The following TMF1 variants were observed in gnomAD, a reference collection of about 807,000 sequenced individuals.
TMF1 encodes the protein TATA element modulatory factor 1.
Under a neutral mutation model 126.5 loss-of-function variants are expected in TMF1, and 71 were observed. The ratio of observed to expected loss-of-function variants is 0.56; its 90% CI spans 0.46 to 0.68. The LOEUF (loss-of-function observed/expected upper bound fraction) is 0.68. TMF1 is among the 30% of genes least tolerant of loss of function. The pLI, the probability that TMF1 is intolerant of heterozygous loss-of-function variation, is 0.00. For missense variants in TMF1, 1,259 were observed against 1,253.2 expected, an observed-to-expected ratio of 1.00 and a Z score of -0.07; for synonymous variants, 461 against 430.5, an observed-to-expected ratio of 1.07 and a Z score of -0.88.
intron 5 of TMF1, chr3:69,040,508 G>A (rs751670647): frequency 2.0e-5 from 3 of 152,264 alleles, no homozygotes; most frequent in African/African-American, 7.2e-5. Flanking sequence ...GTGTATGTAT[G>A]TGCAGAAAGA....
chr3:69,033,340 A>G (rs1478520430), intron 10 of TMF1, among the ~76,000 whole-genome samples: 1 of 151,980 alleles, frequency 6.6e-6, no homozygotes, highest in African/African-American at 2.4e-5. Context: ...AGTATCTGAT[A>G]CCATTGTGTA....
At chr3:69,037,822 A>C (rs2091841035) in intron 8 of TMF1, among the ~76,000 whole-genome samples, 1 of 142,392 alleles carries the variant, frequency 7.0e-6, no homozygotes, top group Admixed American at 6.9e-5. Flanking sequence ...ATATAAATTG[A>C]AAAAAAAAAA....
At position 69,033,617 on chromosome 3, in the gene TMF1, A is replaced by G; in HGVS notation, c.2332T>C (p.Leu778=). 1 of 1,613,968 alleles carries G rather than the reference A, an allele frequency of 6.2e-7. No homozygotes were observed. The highest frequency in any genetic ancestry group is 8.5e-7 in the Non-Finnish European group (1 of 1,179,974). ...TRPLLRQIEN[L]QATLGSQTSS... ...GTCTGGGATCCCAGGGTTGCTTGCA[A>G]ATTTTCTATTTGTCGAAGCAATGGT... Residue 778 remains leucine (L), a synonymous_variant, in exon 10 of 17, where the codon TTG becomes CTG. Transcript: ENST00000398559.
chr3:69,033,436 G>T, intron 10 of TMF1, 112 bp downstream of exon 10: 1 of 1,189,186 alleles, frequency 8.4e-7, no homozygotes, highest in Non-Finnish European at 1.2e-6. Context: ...CTACATATTA[G>T]ACACAAAATG....
rs935379727 is a variant in TMF1, at chr3:69,022,973, G to A, written c.*204C>T. 11 of 436,962 alleles carry A rather than the reference G, an allele frequency of 2.5e-5. No individual in the cohort carries two copies. Among genetic ancestry groups the A allele is most frequent in the Admixed American group, 1.2e-4 (3 of 24,466 alleles). 27.1% of individuals were successfully genotyped at this position (436,962 alleles called of 1,614,324 possible). ...TTAAAAAATAAATCTTTAAAGAATA[G>A]TTTCAAAAATAAAGTTCAAATATTG... On this transcript the variant is annotated 3_prime_UTR_variant, in exon 17 of 17. Transcript: ENST00000398559.
chr3:69,033,919 C>T (rs2091818684), intron 9 of TMF1: 1 of 377,422 alleles, frequency 2.6e-6, no homozygotes, highest in Non-Finnish European at 4.7e-6. Context: ...TAGCCTCAAC[C>T]TCCTAGGCTC....
rs753073898 is a variant in TMF1, at chr3:69,048,240, A to G, written c.465T>C (p.Ser155=). The change falls in exon 2 of 17, where the codon TCT becomes TCC. Residue 155 remains serine (S), a synonymous_variant. Coordinates refer to ENST00000398559, the MANE Select transcript of TMF1 (RefSeq NM_007114.3). ...PETTESQVKD[S]SLCVSGETLA... ...GAGTTTCCCCTGAAACACACAAAGAAGAGTCTTTTACTTGTGATTCAGTTG... is the reference window on the plus strand; with the variant it reads ...GAGTTTCCCCTGAAACACACAAAGAGGAGTCTTTTACTTGTGATTCAGTTG... The G allele has an allele frequency of 1.9e-5, 31 of 1,614,092 alleles. No individual in the cohort carries two copies. Among genetic ancestry groups the G allele is most frequent in the Admixed American group, 5.0e-5 (3 of 60,002 alleles).
At chr3:69,030,068 G>C in intron 10 of TMF1, 61 bp from the exon 11 acceptor site, 1 of 1,421,580 alleles carries the variant, frequency 7.0e-7, no homozygotes. Context: ...AAAATACCAA[G>C]TCAATTCTGA....
chr3:69,033,626 T>C lies in TMF1; in HGVS notation c.2323A>G (p.Ile775Val). ...SSTTRPLLRQ[I>V]ENLQATLGSQ... ...CCCAGGGTTGCTTGCAAATTTTCTA[T>C]TTGTCGAAGCAATGGTCTTGTTGTT... Residue 775 changes from isoleucine to valine, a missense_variant, in exon 10 of 17, where the codon ATA becomes GTA. Ile to Val is a conservative substitution (Grantham distance 29). Transcript: ENST00000398559. The C allele has an allele frequency of 1.2e-6, 2 of 1,614,074 alleles. No homozygotes were observed. Among genetic ancestry groups the C allele is most frequent in the Non-Finnish European group, 1.7e-6 (2 of 1,180,016 alleles).
chr3:69,025,619 T>C lies in TMF1; in HGVS notation c.2953A>G (p.Ile985Val). The C allele has an allele frequency of 2.5e-6, 4 of 1,614,162 alleles. No individual in the cohort carries two copies. In the South Asian group the frequency reaches 4.4e-5, roughly 18 times the overall value. ...AGCTGAGACTGTAGGTTTTCAATTA[T>C]GCTTGATCCTGCTCCCATCCTTACA... is the stretch of plus-strand genomic sequence containing the variant. ...DAVRMGAGSS[I>V]IENLQSQLKL... Residue 985 changes from isoleucine to valine, a missense_variant, in exon 15 of 17, where the codon ATA becomes GTA. By Grantham distance (29) the Ile-to-Val change is conservative. Transcript: ENST00000398559.
intron 13 of TMF1, among the ~76,000 whole-genome samples, chr3:69,026,493 G>A (rs977264507): frequency 1.3e-5 from 2 of 152,208 alleles, no homozygotes; most frequent in South Asian, 4.1e-4. Flanking sequence ...CTACTCGGGA[G>A]GCTGAGGCAG....
chr3:69,047,705 A>G lies in TMF1; in HGVS notation c.1000T>C (p.Leu334=). 2 of 1,614,118 alleles carry G rather than the reference A, an allele frequency of 1.2e-6. No individual in the cohort carries two copies. Among genetic ancestry groups the G allele is most frequent in the Non-Finnish European group, 1.7e-6 (2 of 1,180,016 alleles). ...ERIDSFSVQS[L]DSRSVSEINS... ...ATTTCACTTACACTCCGGCTATCTA[A>G]TGACTGTACACTAAATGAGTCTATT... The change falls in exon 2 of 17, where the codon TTA becomes CTA. Residue 334 remains leucine (L), a synonymous_variant. Coordinates refer to ENST00000398559, the MANE Select transcript of TMF1 (RefSeq NM_007114.3).
intron 14 of TMF1, 86 bp downstream of exon 14, chr3:69,025,910 G>A: frequency 8.0e-7 from 1 of 1,248,194 alleles, no homozygotes. Context: ...GAATGGCAAG[G>A]TCATGATGAC....
rs928341926 is a variant in TMF1, at chr3:69,052,240, G to C, written c.-154C>G. ...CCCCGACAGCCTCCCGCGAGCCCGG[G>C]ATGTTACCCTCGGCCGTTCCCGCAC... On this transcript the variant is annotated 5_prime_UTR_variant, in exon 1 of 17. It adds an upstream start codon to the 5' untranslated region. Coordinates refer to ENST00000398559, the MANE Select transcript of TMF1 (RefSeq NM_007114.3). 2.5e-6 allele frequency: 2 copies of C among 815,062 alleles called. No homozygotes were observed. Among genetic ancestry groups the C allele is most frequent in the Non-Finnish European group, 1.8e-6 (1 of 548,852 alleles). The allele number at this position is 815,062 out of a possible 1,614,324, so 50.5% of individuals were successfully genotyped here.
Position 69,028,229 on chromosome 3 carries a change from T to C in TMF1, c.2661A>G (p.Glu887=), listed in dbSNP as rs1037594667. 4 of 1,612,480 alleles carry C rather than the reference T, an allele frequency of 2.5e-6. No individual in the cohort carries two copies. The highest frequency in any genetic ancestry group is 3.4e-6 in the Non-Finnish European group (4 of 1,178,802). The change falls in exon 12 of 17, where the codon GAA becomes GAG. Residue 887 remains glutamate (E), a synonymous_variant. Coordinates refer to ENST00000398559, the MANE Select transcript of TMF1 (RefSeq NM_007114.3). ...YVRTLEETRK[E]KTLLNSQLEM... ...GAGTGGTCACGAAGAGAAATACCTT[T>C]TCTTTCCTCGTCTCTTCAAGTGTTC...
At chr3:69,050,986 T>C (rs1484395605) in intron 1 of TMF1, among the ~76,000 whole-genome samples, 2 of 152,198 alleles carry the variant, frequency 1.3e-5, no homozygotes, top group Non-Finnish European at 2.9e-5. Flanking sequence ...AAGAGAGACT[T>C]GGCTATTCAG....
chr3:69,039,613 T>C lies in TMF1; in HGVS notation c.1765A>G (p.Met589Val). The C allele has an allele frequency of 1.9e-6, 3 of 1,613,870 alleles. No individual in the cohort carries two copies. Among genetic ancestry groups the C allele is most frequent in the Non-Finnish European group, 2.5e-6 (3 of 1,179,958 alleles). The change falls in exon 6 of 17, where the codon ATG becomes GTG. Residue 589 changes from methionine (M) to valine (V), a missense_variant. By Grantham distance (21) the Met-to-Val change is conservative. Coordinates refer to ENST00000398559, the MANE Select transcript of TMF1 (RefSeq NM_007114.3). Reference sequence around the variant, plus strand: ...ACTTTTTTGTTCAGCTTTGCAACCATATTTTCATTCTCCTTGTCTTTAGCT... The same window carrying C: ...ACTTTTTTGTTCAGCTTTGCAACCACATTTTCATTCTCCTTGTCTTTAGCT... ...LRAKDKENENMVAKLNKKVKE... is the reference protein window; with the variant it reads ...LRAKDKENENVVAKLNKKVKE...
chr3:69,043,041 G>T, intron 4 of TMF1, 129 bp from the exon 5 acceptor site: 1 of 643,216 alleles, frequency 1.6e-6, no homozygotes, highest in Non-Finnish European at 2.6e-6. Flanking sequence ...GTTTTGTTCA[G>T]TTAATCTACT....
chr3:69,029,937 G>A lies in TMF1; in HGVS notation c.2472C>T (p.Asn824=). Residue 824 remains asparagine, a synonymous_variant, in exon 11 of 17, where the codon AAC becomes AAT. Coordinates refer to ENST00000398559, the MANE Select transcript of TMF1 (RefSeq NM_007114.3). ...ACTCCATGGAAGACATCTGAATTTT[G>A]TTAGCAAGGAGTTCTTCTGTAGCTG... The part of the protein sequence containing the change: ...ERAATEELLA[N]KIQMSSMESQ... 6.2e-7 allele frequency: 1 copy of A among 1,614,102 alleles called. No individual in the cohort carries two copies. The highest frequency in any genetic ancestry group is 8.5e-7 in the Non-Finnish European group (1 of 1,180,024).
Sources: gnomAD v4.1 joint callset for allele counts (sites outside exome capture counted in the v4.1 genomes callset) on GRCh38, gnomAD v4.1.1 for gene constraint, MANE v1.5 for transcripts, NCBI Gene and HGNC (gene_info 2026-07-23, HGNC 2026-07-21) for gene names.